PPP2CA: variants seen among roughly 807,000 people sequenced by gnomAD.
PPP2CA encodes the protein protein phosphatase 2 catalytic subunit alpha.
A neutral mutation model predicts 38.8 loss-of-function variants in PPP2CA; 5 were observed. The ratio of observed to expected loss-of-function variants is 0.13; its 90% CI spans 0.07 to 0.27. The LOEUF (loss-of-function observed/expected upper bound fraction) is 0.27, where lower values mean the gene tolerates loss of function less well. Ranked by LOEUF, PPP2CA falls within the 10% of genes least tolerant of loss-of-function variation. The pLI, the probability that PPP2CA is intolerant of heterozygous loss-of-function variation, is 1.00. For synonymous variants in PPP2CA, 152 were observed against 134.0 expected (o/e 1.13, Z -0.93); for missense variants, 88 against 389.7 (o/e 0.23, Z 6.52).
At chr5:134,210,935 G>A (rs967350856) in intron 1 of PPP2CA, among the ~76,000 whole-genome samples, 2 of 152,036 alleles carry the variant, frequency 1.3e-5, no homozygotes, top group Admixed American at 1.3e-4. Flanking sequence ...ACAAAAATTT[G>A]GTATAAACTT....
intron 1 of PPP2CA, among the ~76,000 whole-genome samples, chr5:134,208,552 A>G (rs1243819634): frequency 2.7e-5 from 4 of 146,858 alleles, no homozygotes; most frequent in African/African-American, 1.0e-4. Flanking sequence ...GATGCTCCTC[A>G]ATTTGTAACA....
chr5:134,207,580 C>G (rs1159164742), intron 1 of PPP2CA, among the ~76,000 whole-genome samples: 2 of 152,142 alleles, frequency 1.3e-5, no homozygotes, highest in Non-Finnish European at 2.9e-5. Flanking sequence ...ATGGCTTGAC[C>G]CCAGGAGTTC....
intron 2 of PPP2CA, among the ~76,000 whole-genome samples, chr5:134,205,350 A>AAT (rs1399888741): frequency 2.0e-4 from 31 of 151,662 alleles, no homozygotes; most frequent in Non-Finnish European, 2.2e-4. Flanking sequence ...ACTGAACTAA[A>AAT]ATATCTATTT....
At chr5:134,206,166 T>C (rs1337837381) in intron 1 of PPP2CA, 35 bp from the exon 2 acceptor site, 1 of 1,546,614 alleles carries the variant, frequency 6.5e-7, no homozygotes, top group Admixed American at 1.7e-5. Context: ...GCAATACATT[T>C]GGCATTAAAC....
chr5:134,202,479 T>G (rs1761989290), intron 2 of PPP2CA: 1 of 154,458 alleles, frequency 6.5e-6, no homozygotes, highest in Non-Finnish European at 1.4e-5. Flanking sequence ...ATAAATGGAA[T>G]ACAAAATGTA....
At chr5:134,205,437 A>G (rs1209700923) in intron 2 of PPP2CA, among the ~76,000 whole-genome samples, 2 of 149,106 alleles carry the variant, frequency 1.3e-5, no homozygotes, top group Non-Finnish European at 3.0e-5. Flanking sequence ...GCTGGCGTGT[A>G]GTGGCGCAAT....
rs979611372 is a variant in PPP2CA at position 134,226,055 on chromosome 5, C to T, written c.-194G>A. On this transcript the variant is annotated 5_prime_UTR_variant, in exon 1 of 7. Coordinates refer to ENST00000481195, the MANE Select transcript of PPP2CA (RefSeq NM_002715.4). ...GCCTCCTCCTCCGCTCGCTGAGGCT[C>T]CAGAGCTCGGCTCTCTGTAATGGCG... The T allele has an allele frequency of 3.8e-6, 2 of 519,700 alleles. No homozygotes were observed. Among genetic ancestry groups the T allele is most frequent in the East Asian group, 3.5e-5 (1 of 28,644 alleles). 32.2% of individuals were successfully genotyped at this position (519,700 alleles called of 1,614,324 possible). A position where few individuals can be genotyped will look rare whatever the true frequency, so the allele number is the denominator to read the frequency against.
chr5:134,216,076 CA>C (rs942611853), intron 1 of PPP2CA, among the ~76,000 whole-genome samples: 1 of 152,106 alleles, frequency 6.6e-6, no homozygotes, highest in Non-Finnish European at 1.5e-5. Context: ...TTCTTAGTCT[CA>C]AAAACAGTTA....
intron 1 of PPP2CA, among the ~76,000 whole-genome samples, chr5:134,223,929 G>A (rs114037298): frequency 6.6e-6 from 1 of 152,174 alleles, no homozygotes. Flanking sequence ...TATAATCTCA[G>A]AACACATTTT....
In PPP2CA at chr5:134,226,071, T is replaced by C. The variant is rs1040037300; in HGVS notation, c.-210A>G. On this transcript the variant is annotated 5_prime_UTR_variant, in exon 1 of 7. Coordinates refer to ENST00000481195, the MANE Select transcript of PPP2CA (RefSeq NM_002715.4). Reference sequence around the variant, plus strand: ...GCTGAGGCTCCAGAGCTCGGCTCTCTGTAATGGCGGCCGCCGGGCGTGGTG... The same window carrying C: ...GCTGAGGCTCCAGAGCTCGGCTCTCCGTAATGGCGGCCGCCGGGCGTGGTG... 3.0e-5 allele frequency: 13 copies of C among 438,140 alleles called. No individual in the cohort carries two copies. Among genetic ancestry groups the C allele is most frequent in the African/African-American group, 2.3e-4 (11 of 48,122 alleles). 27.1% of individuals were successfully genotyped at this position (438,140 alleles called of 1,614,324 possible).
At position 134,201,338 on chromosome 5, in the gene PPP2CA, G is replaced by A. The variant is rs117585045; in HGVS notation, c.487-264C>T. Among the ~76,000 whole-genome samples the A allele has an allele frequency of 1.3e-4, 20 of 152,292 alleles. No homozygotes were observed. In the East Asian group the frequency reaches 3.5e-3, roughly 26 times the overall value. ...TGCCTGAATGAGACTTGACTTTGCA[G>A]GGTTCATCTTTGCTCCAGCCCACTC... On this transcript the variant is annotated intron_variant, in intron 3 of 6. Transcript: ENST00000481195.
chr5:134,216,541 A>AC lies in PPP2CA; in HGVS notation c.102+9218_102+9219insG, dbSNP rs1762324350. Among the ~76,000 whole-genome samples the AC allele has an allele frequency of 1.4e-5, 2 of 142,390 alleles. 1 individual carries two copies. Among genetic ancestry groups the AC allele is most frequent in the African/African-American group, 5.3e-5 (2 of 37,806 alleles). 93.4% of individuals were successfully genotyped at this position (142,390 alleles called of 152,430 possible). On this transcript the variant is annotated intron_variant, in intron 1 of 6. Transcript: ENST00000481195. ...GGCAACAGAGTGAGACTGCCTCAAAAAAAAAAAAAAAAAAAAGTGGTTTCC... is the reference window on the plus strand; with the variant it reads ...GGCAACAGAGTGAGACTGCCTCAAAACAAAAAAAAAAAAAAAAGTGGTTTCC...
At position 134,195,775 on chromosome 5, in the gene PPP2CA, T is replaced by C. The variant is rs539163109; in HGVS notation, c.*1997A>G. 2 of 152,232 alleles carry C rather than the reference T, an allele frequency of 1.3e-5. No homozygotes were observed. The highest frequency in any genetic ancestry group is 2.9e-5 in the Non-Finnish European group (2 of 68,036). 9.4% of individuals were successfully genotyped at this position (152,232 alleles called of 1,614,324 possible). On this transcript the variant is annotated 3_prime_UTR_variant, in exon 7 of 7. Coordinates refer to ENST00000481195, the MANE Select transcript of PPP2CA (RefSeq NM_002715.4). ...CCAAAGCCCGGTCAGTCTCTATAAT[T>C]AAACAATTATTTTAAACCCTAGTTA...
At chr5:134,217,410 G>A (rs1234767434) in intron 1 of PPP2CA, among the ~76,000 whole-genome samples, 3 of 152,056 alleles carry the variant, frequency 2.0e-5, no homozygotes, top group Admixed American at 1.3e-4. Flanking sequence ...AGACATAGAA[G>A]AAACACTGGA....
chr5:134,198,804 G>T (rs530743203), intron 6 of PPP2CA, among the ~76,000 whole-genome samples: 1 of 152,298 alleles, frequency 6.6e-6, no homozygotes, highest in South Asian at 2.1e-4. Context: ...GATCTCAGGT[G>T]ATCCACCCGA....
chr5:134,216,008 G>C (rs1053871781), intron 1 of PPP2CA, among the ~76,000 whole-genome samples: 1 of 152,246 alleles, frequency 6.6e-6, no homozygotes, highest in Non-Finnish European at 1.5e-5. Context: ...CTACACTCCA[G>C]GGAAAACACC....
chr5:134,201,015 T>C lies in PPP2CA; in HGVS notation c.546A>G (p.Ala182=), dbSNP rs753111207. 1.2e-6 allele frequency: 2 copies of C among 1,612,546 alleles called. No homozygotes were observed. The highest frequency in any genetic ancestry group is 8.5e-7 in the Non-Finnish European group (1 of 1,178,520). The change falls in exon 4 of 7, where the codon GCA becomes GCG. Residue 182 remains alanine (A), a synonymous_variant. Transcript: ENST00000481195. The stretch of plus-strand genomic sequence containing the variant: ...GGGGAACTTCTTGTAGGCGATCAAG[T>C]GCTCTGATATGATCCAGTGTATCTA... ...PSIDTLDHIR[A]LDRLQEVPHE... is the part of the protein sequence containing the mutation.
chr5:134,220,456 C>CAAAAAAA (rs10649430), intron 1 of PPP2CA, among the ~76,000 whole-genome samples: 27,264 of 53,690 alleles, frequency 0.51, 9,436 homozygotes, highest in Non-Finnish European at 0.64. Flanking sequence ...GACTCTATCT[C>CAAAAAAA]AAAAAAAAAA....
chr5:134,225,648 A>G (rs3895755), intron 1 of PPP2CA, 112 bp downstream of exon 1: 66,534 of 886,418 alleles, frequency 0.075, 3,189 homozygotes, highest in Admixed American at 0.17. Flanking sequence ...GGTCTCGGAG[A>G]CTCGGGGGGC....
Sources: gnomAD v4.1 joint callset for allele counts (sites outside exome capture counted in the v4.1 genomes callset) on GRCh38, gnomAD v4.1.1 for gene constraint, MANE v1.5 for transcripts, NCBI Gene and HGNC (gene_info 2026-07-23, HGNC 2026-07-21) for gene names.